The following ITPRID2 variants were observed in gnomAD, a reference collection of about 807,000 sequenced individuals.
The protein encoded by ITPRID2 is ITPR interacting domain containing 2, also known as protein ITPRID2.
ITPRID2 carries 60 observed loss-of-function variants against 124.3 expected under a neutral mutation model. The ratio of observed to expected loss-of-function variants is 0.48; its 90% CI spans 0.39 to 0.60. The LOEUF is 0.60. Ranked by LOEUF, ITPRID2 falls within the 20% of genes least tolerant of loss-of-function variation. The probability of loss-of-function intolerance (pLI) is 0.00; values close to 1 mark genes in which losing one functional copy is unlikely to be tolerated. For missense variants in ITPRID2, 1,553 were observed against 1,512.2 expected, an observed-to-expected ratio of 1.03 and a Z score of -0.45; for synonymous variants, 521 against 542.9, an observed-to-expected ratio of 0.96 and a Z score of 0.56.
At position 181,905,838 on chromosome 2, in the gene ITPRID2, A is replaced by G. The variant is rs1574238988; in HGVS notation, c.1413+3372A>G. Among the ~76,000 whole-genome samples, 1 of 152,168 alleles carries G rather than the reference A, an allele frequency of 6.6e-6. No individual in the cohort carries two copies. Among genetic ancestry groups the G allele is most frequent in the East Asian group, 1.9e-4 (1 of 5,192 alleles). On this transcript the variant is annotated intron_variant, in intron 8 of 17. Coordinates refer to ENST00000431877, the MANE Select transcript of ITPRID2 (RefSeq NM_001130445.3). The surrounding 1 kb of genome is among the most constrained non-coding windows in gnomAD (Gnocchi z 4.1). ...GTTAAAATAATCCCACATCAGTCAGATATTTGACAGATAATTAAGTTGTTC... is the reference window on the plus strand; with the variant it reads ...GTTAAAATAATCCCACATCAGTCAGGTATTTGACAGATAATTAAGTTGTTC...
intron 8 of ITPRID2, among the ~76,000 whole-genome samples, 188 bp from the exon 9 acceptor site, chr2:181,909,711 A>G (rs1027267321): frequency 2.0e-5 from 3 of 152,202 alleles, no homozygotes; most frequent in African/African-American, 7.2e-5. Context: ...TAACTGGAAA[A>G]TAGATCAGAA....
rs756172200 is a variant in ITPRID2, at chr2:181,919,376, G to A, written c.3074G>A (p.Arg1025His). ...GACCTGGAACTGCAGCTGGAGGAGC[G>A]CCTGCTGGGCCTGGAGGAGCAGCTT... ...LQDLELQLEE[R>H]LLGLEEQLRA... is the part of the protein sequence containing the mutation. The change falls in exon 14 of 18, where the codon CGC (arginine) becomes CAC (histidine). Residue 1025 changes from arginine to histidine, a missense_variant. Transcript: ENST00000431877. The surrounding 1 kb of genome is among the most constrained non-coding windows in gnomAD (Gnocchi z 4.2). 11 of 1,613,822 alleles carry A rather than the reference G, an allele frequency of 6.8e-6. No homozygotes were observed. Among genetic ancestry groups the A allele is most frequent in the East Asian group, 2.2e-5 (1 of 44,892 alleles).
Position 181,915,310 on chromosome 2 carries a change from C to T in ITPRID2, c.1670C>T (p.Thr557Ile). ...TSLGEDLATP[T>I]AQDQPYFNES... ...CTTGGTGAAGACCTTGCCACACCAA[C>T]AGCACAAGACCAGCCTTATTTTAAT... Residue 557 changes from threonine (T) to isoleucine (I), a missense_variant, in exon 11 of 18, where the codon ACA becomes ATA. By Grantham distance (89) the Thr-to-Ile change is moderately conservative. Transcript: ENST00000431877. 1 of 1,614,140 alleles carries T rather than the reference C, an allele frequency of 6.2e-7. No individual in the cohort carries two copies. Among genetic ancestry groups the T allele is most frequent in the Non-Finnish European group, 8.5e-7 (1 of 1,180,032 alleles).
At chr2:181,906,493 A>G (rs1199146769) in intron 8 of ITPRID2, among the ~76,000 whole-genome samples, 1 of 152,156 alleles carries the variant, frequency 6.6e-6, no homozygotes, top group Non-Finnish European at 1.5e-5. Context: ...TAATCCCAGC[A>G]CTGTGTGGAG....
chr2:181,915,484 G>A lies in ITPRID2; in HGVS notation c.1844G>A (p.Gly615Glu), dbSNP rs141978094. Residue 615 changes from glycine to glutamate, a missense_variant, in exon 11 of 18, where the codon GGG (glycine) becomes GAG (glutamate). By Grantham distance (98) the Gly-to-Glu change is moderately conservative (BLOSUM62 -2). Transcript: ENST00000431877. The part of the protein sequence containing the change: ...TGTKQSTCSP[G>E]DHIIEITEVE... Reference sequence around the variant, plus strand: ...ACTAAACAGTCCACCTGTAGTCCAGGGGATCATATCATTGAAATTACTGAA... The same window carrying A: ...ACTAAACAGTCCACCTGTAGTCCAGAGGATCATATCATTGAAATTACTGAA... 44 of 1,614,046 alleles carry A rather than the reference G, an allele frequency of 2.7e-5. No individual in the cohort carries two copies. The highest frequency in any genetic ancestry group is 3.6e-5 in the Non-Finnish European group (42 of 1,180,034).
At chr2:181,912,644 T>C (rs1693694473) in intron 9 of ITPRID2, among the ~76,000 whole-genome samples, 2 of 152,342 alleles carry the variant, frequency 1.3e-5, no homozygotes, top group African/African-American at 2.4e-5. Context: ...GAATATGGTT[T>C]TGGTAAACAC....
chr2:181,921,854 G>C (rs1694502620), intron 15 of ITPRID2, 94 bp from the exon 16 acceptor site: 4 of 1,064,484 alleles, frequency 3.8e-6, no homozygotes, highest in Non-Finnish European at 5.4e-6. Flanking sequence ...CAAATTACAT[G>C]ATTTTAGGCA....
intron 8 of ITPRID2, among the ~76,000 whole-genome samples, chr2:181,903,132 AT>A (rs1156432678): frequency 2.0e-5 from 3 of 152,204 alleles, no homozygotes; most frequent in African/African-American, 7.2e-5. Flanking sequence ...AAAGATACTT[AT>A]TTTGAATGAG....
At position 181,902,049 on chromosome 2, in the gene ITPRID2, T is replaced by A. The variant is rs752753470; in HGVS notation, c.996T>A (p.Ile332=). Residue 332 remains isoleucine (I), a synonymous_variant, in exon 8 of 18, where the codon ATT becomes ATA. Coordinates refer to ENST00000431877, the MANE Select transcript of ITPRID2 (RefSeq NM_001130445.3). The surrounding 1 kb of genome is among the most constrained non-coding windows in gnomAD (Gnocchi z 4.4). The part of the protein sequence containing the change: ...EKGKILNVSV[I]EESGNKNDQK... ...GAAAGATTCTAAATGTTTCAGTGAT[T>A]GAAGAAAGTGGCAATAAAAACGATC... The A allele has an allele frequency of 6.2e-7, 1 of 1,612,400 alleles. No homozygotes were observed. The highest frequency in any genetic ancestry group is 8.5e-7 in the Non-Finnish European group (1 of 1,179,548).
rs894005797 is a variant in ITPRID2 at position 181,891,731 on chromosome 2, G to A, written c.-336G>A. Reference sequence around the variant, plus strand: ...GGCCGCCGCCGAGGGAAGGCGCGCAGACGCGCAGCGGCCGGCCTGCTCCGG... The same window carrying A: ...GGCCGCCGCCGAGGGAAGGCGCGCAAACGCGCAGCGGCCGGCCTGCTCCGG... On this transcript the variant is annotated 5_prime_UTR_variant, in exon 1 of 18. Coordinates refer to ENST00000431877, the MANE Select transcript of ITPRID2 (RefSeq NM_001130445.3). The A allele has an allele frequency of 1.3e-5, 2 of 149,956 alleles. No individual in the cohort carries two copies. Among genetic ancestry groups the A allele is most frequent in the African/African-American group, 4.9e-5 (2 of 41,078 alleles). The allele number at this position is 149,956 out of a possible 1,614,324, so 9.3% of individuals were successfully genotyped here.
intron 8 of ITPRID2, 29 bp from the exon 9 acceptor site, chr2:181,909,870 G>A: frequency 6.4e-7 from 1 of 1,560,486 alleles, no homozygotes; most frequent in Non-Finnish European, 8.8e-7. Flanking sequence ...AGATTCATTT[G>A]GTTTTAACTA....
intron 6 of ITPRID2, among the ~76,000 whole-genome samples, chr2:181,899,663 G>A (rs1692498524): frequency 6.6e-6 from 1 of 152,122 alleles, no homozygotes; most frequent in South Asian, 2.1e-4. Context: ...TGGGGAAACG[G>A]CGAAACCCTG....
intron 16 of ITPRID2, among the ~76,000 whole-genome samples, chr2:181,926,630 G>A (rs1021956020): frequency 3.3e-5 from 5 of 150,394 alleles, no homozygotes; most frequent in South Asian, 2.1e-4. Flanking sequence ...GGAGAATGGC[G>A]TGAACCCAGG....
Position 181,899,086 on chromosome 2 carries a change from T to C in ITPRID2, c.477T>C (p.Ser159=). The C allele has an allele frequency of 6.2e-7, 1 of 1,610,240 alleles. No homozygotes were observed. Among genetic ancestry groups the C allele is most frequent in the South Asian group, 1.1e-5 (1 of 89,986 alleles). The change falls in exon 6 of 18, where the codon TCT becomes TCC. Residue 159 remains serine, a synonymous_variant. Coordinates refer to ENST00000431877, the MANE Select transcript of ITPRID2 (RefSeq NM_001130445.3). The part of the protein sequence containing the change: ...QKGRSMNSTG[S]GKSSGTVSSV... Reference sequence around the variant, plus strand: ...GGAGAAGTATGAATTCCACTGGATCTGGGAAAAGTAGTGGGACAGTTTCAA... The same window carrying C: ...GGAGAAGTATGAATTCCACTGGATCCGGGAAAAGTAGTGGGACAGTTTCAA...
intron 2 of ITPRID2, chr2:181,894,373 T>TTCTCTCATGGA (rs1170245651): frequency 6.6e-6 from 1 of 152,208 alleles, no homozygotes; most frequent in Non-Finnish European, 1.5e-5. Flanking sequence ...CTGCTGCTCC[T>TTCTCTCATGGA]TCTCTCATGG....
intron 8 of ITPRID2, 39 bp from the exon 9 acceptor site, chr2:181,909,860 A>T: frequency 6.7e-7 from 1 of 1,488,206 alleles, no homozygotes; most frequent in Non-Finnish European, 9.4e-7. Flanking sequence ...TGTTTGCCTT[A>T]GATTCATTTG....
At chr2:181,917,005 G>A (rs1694113469) in intron 11 of ITPRID2, 2 of 985,330 alleles carry the variant, frequency 2.0e-6, no homozygotes, top group African/African-American at 1.7e-5. Context: ...TAACAAATCA[G>A]GTAAAGTGTG....
intron 16 of ITPRID2, among the ~76,000 whole-genome samples, chr2:181,926,208 G>C (rs1694833619): frequency 6.6e-6 from 1 of 151,586 alleles, no homozygotes; most frequent in South Asian, 2.1e-4. Flanking sequence ...AGGTTGCAGT[G>C]AGCCGAGATT....
At position 181,902,934 on chromosome 2, in the gene ITPRID2, T is replaced by TA. The variant is rs1692797583; in HGVS notation, c.1413+469dup. Among the ~76,000 whole-genome samples, 1 of 152,276 alleles carries TA rather than the reference T, an allele frequency of 6.6e-6. No homozygotes were observed. The highest frequency in any genetic ancestry group is 2.4e-5 in the African/African-American group (1 of 41,562). ...AGGCGGCTTTGGGGATAGTTCTTGT[T>TA]ATATGACTGGAAAGAACATGAAGAT... On this transcript the variant is annotated intron_variant, in intron 8 of 17. Transcript: ENST00000431877. This position sits in a 1 kb window ranked among gnomAD's most constrained non-coding sequence, Gnocchi z 4.4.
Sources: allele counts gnomAD v4.1 joint callset (sites outside exome capture counted in the v4.1 genomes callset), GRCh38; gene constraint gnomAD v4.1.1; non-coding constraint Gnocchi (gnomAD v3.1); transcripts MANE v1.5; gene names NCBI Gene and HGNC (gene_info 2026-07-23, HGNC 2026-07-21).